Variants in HS3ST5 observed in about 807,000 individuals in gnomAD.
HS3ST5 encodes heparan sulfate-glucosamine 3-sulfotransferase 5.
Under a neutral mutation model 25.4 loss-of-function variants are expected in HS3ST5, and 10 were observed. That is an observed-to-expected ratio of 0.39 (90% CI 0.24 to 0.67). HS3ST5 has a LOEUF of 0.67. Ranked by LOEUF, HS3ST5 falls within the 30% of genes least tolerant of loss-of-function variation. The pLI is 0.44. For missense variants in HS3ST5, 324 were observed against 420.7 expected (o/e 0.77, Z 2.01); for synonymous variants, 170 against 162.4 (o/e 1.05, Z -0.36).
intron 2 of HS3ST5, among the ~76,000 whole-genome samples, chr6:114,180,312 G>A (rs1312958712): frequency 2.6e-5 from 4 of 152,022 alleles, no homozygotes; most frequent in Admixed American, 6.5e-5. Flanking sequence ...TGTATGTCAC[G>A]CTGGTGAGGT....
intron 3 of HS3ST5, among the ~76,000 whole-genome samples, chr6:114,070,507 C>A (rs1411743433): frequency 6.6e-6 from 1 of 151,968 alleles, no homozygotes; most frequent in Non-Finnish European, 1.5e-5. Context: ...TTTTTCTCTC[C>A]ATAACTCAAG....
intron 3 of HS3ST5, among the ~76,000 whole-genome samples, chr6:114,123,037 C>T (rs1776867293): frequency 6.6e-6 from 1 of 152,190 alleles, no homozygotes; most frequent in East Asian, 1.9e-4. Flanking sequence ...ACCGCAAACT[C>T]CACCTCCTGG....
intron 3 of HS3ST5, among the ~76,000 whole-genome samples, chr6:114,111,110 C>G (rs1776244862): frequency 6.6e-6 from 1 of 152,030 alleles, no homozygotes; most frequent in South Asian, 2.1e-4. Context: ...TTTTTTACTG[C>G]TTTGGAAAAA....
intron 3 of HS3ST5, among the ~76,000 whole-genome samples, chr6:114,102,118 G>A (rs774448042): frequency 6.6e-6 from 1 of 152,166 alleles, no homozygotes; most frequent in East Asian, 1.9e-4. Context: ...AGTTATCTGG[G>A]TGGTGAAATC....
chr6:114,074,621 C>T (rs1298392335), intron 3 of HS3ST5, among the ~76,000 whole-genome samples: 1 of 152,098 alleles, frequency 6.6e-6, no homozygotes, highest in Admixed American at 6.5e-5. Context: ...TTTTCTTTCT[C>T]TTTTTGACTT....
chr6:114,310,052 T>C (rs2114840543), intron 1 of HS3ST5, among the ~76,000 whole-genome samples: 1 of 152,332 alleles, frequency 6.6e-6, no homozygotes, highest in Non-Finnish European at 1.5e-5. Flanking sequence ...GCAGTAAACT[T>C]GCTCTCTCCA....
intron 3 of HS3ST5, among the ~76,000 whole-genome samples, chr6:114,130,785 A>G (rs966350310): frequency 1.3e-5 from 2 of 152,074 alleles, no homozygotes; most frequent in South Asian, 4.1e-4. Context: ...TAGCCAGGAT[A>G]GTCTCGATCT....
At chr6:114,202,672 A>G (rs1362559187) in intron 2 of HS3ST5, among the ~76,000 whole-genome samples, 2 of 152,176 alleles carry the variant, frequency 1.3e-5, no homozygotes, top group Non-Finnish European at 2.9e-5. Flanking sequence ...ACATTCCTAC[A>G]TAGTCTAGAA....
intron 3 of HS3ST5, among the ~76,000 whole-genome samples, chr6:114,123,001 G>A (rs1448109361): frequency 6.6e-6 from 1 of 152,184 alleles, no homozygotes; most frequent in Admixed American, 6.5e-5. Flanking sequence ...TGCCTAGGCT[G>A]GAGTGCAATG....
At chr6:114,326,333 T>TGG (rs1776174584) in intron 1 of HS3ST5, among the ~76,000 whole-genome samples, 1 of 152,118 alleles carries the variant, frequency 6.6e-6, no homozygotes, top group African/African-American at 2.4e-5. Flanking sequence ...GAGTTTGCAG[T>TGG]GAACGGAGAT....
chr6:114,159,575 A>G (rs1381050832), intron 3 of HS3ST5, among the ~76,000 whole-genome samples: 1 of 152,224 alleles, frequency 6.6e-6, no homozygotes, highest in Admixed American at 6.5e-5. Flanking sequence ...GGAAGGGGAC[A>G]CAGAAGTGTT....
chr6:114,149,143 T>C (rs1763674837), intron 3 of HS3ST5, among the ~76,000 whole-genome samples: 1 of 152,166 alleles, frequency 6.6e-6, no homozygotes, highest in South Asian at 2.1e-4. Context: ...GGAGTGTAAA[T>C]TAGTTCAACC....
At chr6:114,275,875 C>A (rs1370344527) in intron 1 of HS3ST5, among the ~76,000 whole-genome samples, 1 of 151,966 alleles carries the variant, frequency 6.6e-6, no homozygotes, top group African/African-American at 2.4e-5. Flanking sequence ...AGGTCTTTGG[C>A]CCACAGGCTA....
intron 2 of HS3ST5, among the ~76,000 whole-genome samples, chr6:114,186,834 T>A (rs1263472378): frequency 2.0e-5 from 3 of 152,302 alleles, no homozygotes; most frequent in Admixed American, 1.3e-4. Flanking sequence ...ATGACTTTAT[T>A]TTGAAGCCAT....
At chr6:114,089,892 T>G (rs965661860) in intron 3 of HS3ST5, among the ~76,000 whole-genome samples, 6 of 152,212 alleles carry the variant, frequency 3.9e-5, no homozygotes, top group Non-Finnish European at 8.8e-5. Context: ...AAGAAAACGT[T>G]TCTTTTAATA....
rs74739723 is a variant in HS3ST5 at position 114,075,169 on chromosome 6, A to G, written c.-32-12292T>C. 2.9e-3 allele frequency among the ~76,000 whole-genome samples: 446 copies of G among 152,356 alleles called. 9 individuals carry two copies. The East Asian group carries it at 0.053, about 18-fold the overall frequency. On this transcript the variant is annotated intron_variant, in intron 3 of 4. Transcript: ENST00000312719. ...CTAGTGTTCAACTCTTGATATACAT[A>G]TAAGATCCGCATCATCTGTTAAACA...
chr6:114,085,958 A>G (rs1470892321), intron 3 of HS3ST5, among the ~76,000 whole-genome samples: 1 of 112,362 alleles, frequency 8.9e-6, no homozygotes, highest in Non-Finnish European at 1.7e-5. Flanking sequence ...TTAATCAGCC[A>G]CTTAGAGGAA....
intron 4 of HS3ST5, among the ~76,000 whole-genome samples, chr6:114,060,032 G>C (rs1353755298): frequency 6.9e-6 from 1 of 145,760 alleles, no homozygotes; most frequent in Admixed American, 6.9e-5. Flanking sequence ...TTTTTTTTTT[G>C]AGACGGAGTC....
At chr6:114,315,052 T>C (rs1377827632) in intron 1 of HS3ST5, among the ~76,000 whole-genome samples, 1 of 152,166 alleles carries the variant, frequency 6.6e-6, no homozygotes, top group East Asian at 1.9e-4. Context: ...CCATTTCTAG[T>C]TCCAATGTAA....
Sources: allele counts gnomAD v4.1 joint callset (sites outside exome capture counted in the v4.1 genomes callset), GRCh38; gene constraint gnomAD v4.1.1; transcripts MANE v1.5; gene names NCBI Gene and HGNC (gene_info 2026-07-23, HGNC 2026-07-21).